Variants in CELSR2 observed in about 807,000 individuals in gnomAD.
The protein encoded by CELSR2 is cadherin EGF LAG seven-pass G-type receptor 2.
Under a neutral mutation model 251.6 loss-of-function variants are expected in CELSR2, and 81 were observed. The observed-to-expected ratio is 0.32, with a 90% CI of 0.27 to 0.39. CELSR2 has a LOEUF of 0.39. CELSR2 is among the 10% of genes least tolerant of loss of function. The pLI, the probability that CELSR2 is intolerant of heterozygous loss-of-function variation, is 1.00. For synonymous variants in CELSR2, 1,721 were observed against 1,670.5 expected (o/e 1.03, Z -0.74); for missense variants, 3,365 against 3,947.7 (o/e 0.85, Z 3.96).
intron 23 of CELSR2, 64 bp from the exon 24 acceptor site, chr1:109,270,362 C>T: frequency 6.4e-7 from 1 of 1,572,280 alleles, no homozygotes; most frequent in Non-Finnish European, 8.7e-7. Context: ...CATGCCTGAC[C>T]CGAAGCAGAG....
intron 25 of CELSR2, 69 bp downstream of exon 25, chr1:109,271,108 G>A (rs949214834): frequency 5.9e-5 from 89 of 1,504,418 alleles, no homozygotes; most frequent in Non-Finnish European, 6.8e-5. Flanking sequence ...TGCTGGGGCC[G>A]CGTGTCCTCA....
Position 109,250,912 on chromosome 1 carries a change from T to C in CELSR2, c.833T>C (p.Leu278Ser). 1 of 1,613,880 alleles carries C rather than the reference T, an allele frequency of 6.2e-7. No individual in the cohort carries two copies. ...RRSALATLTI[L>S]VTDTNDHDPV... ...AGTGCCCTGGCTACACTCACCATCTTGGTTACTGACACCAATGACCATGAC... is the reference window on the plus strand; with the variant it reads ...AGTGCCCTGGCTACACTCACCATCTCGGTTACTGACACCAATGACCATGAC... The change falls in exon 1 of 34, where the codon TTG (leucine) becomes TCG (serine). Residue 278 changes from leucine to serine, a missense_variant. Physicochemically the swap from Leu to Ser is moderately radical, Grantham distance 145 (BLOSUM62 -2). This residue lies in a region of CELSR2 where 704 missense variants were observed against 784.1 expected (regional missense o/e 0.90). Transcript: ENST00000271332. The surrounding 1 kb of genome is among the most constrained non-coding windows in gnomAD (Gnocchi z 4.4).
intron 1 of CELSR2, 146 bp downstream of exon 1, chr1:109,253,535 C>T (rs1215778453): frequency 1.2e-5 from 17 of 1,422,278 alleles, no homozygotes; most frequent in South Asian, 1.5e-5. Context: ...GGGCAAGAGC[C>T]AGCTTGGGAA....
rs774377008 is a variant in CELSR2, at chr1:109,264,421, C to T, written c.5290-33C>T. ...TCCCCCACCACCTGCAGCCCCGCTC[C>T]ACTGAGGGCAACACTGCTCCTGTCC... On this transcript the variant is annotated intron_variant, in intron 10 of 33. Coordinates refer to ENST00000271332, the MANE Select transcript of CELSR2 (RefSeq NM_001408.3). 11 of 1,600,236 alleles carry T rather than the reference C, an allele frequency of 6.9e-6. No individual in the cohort carries two copies. The Admixed American group carries it at 1.8e-4, about 27-fold the overall frequency.
rs1035960816 is a variant in CELSR2, at chr1:109,249,652, C to T, written c.-428C>T. On this transcript the variant is annotated 5_prime_UTR_variant, in exon 1 of 34. Coordinates refer to ENST00000271332, the MANE Select transcript of CELSR2 (RefSeq NM_001408.3). ...GGGGCGCGAGCGGGCGGCGCGGGAC[C>T]GTCGGGGGCCGCCGGGGCCGGGCCG... is the stretch of plus-strand genomic sequence containing the variant. Among the ~76,000 whole-genome samples the T allele has an allele frequency of 1.1e-4, 16 of 146,686 alleles. No individual in the cohort carries two copies. Among genetic ancestry groups the T allele is most frequent in the African/African-American group, 3.9e-4 (16 of 40,954 alleles).
chr1:109,274,153 G>C lies in CELSR2; in HGVS notation c.*104G>C, dbSNP rs1344374830. On this transcript the variant is annotated 3_prime_UTR_variant, in exon 34 of 34. Coordinates refer to ENST00000271332, the MANE Select transcript of CELSR2 (RefSeq NM_001408.3). The stretch of plus-strand genomic sequence containing the variant: ...TATCCTGCCCCGCTCCCCATCGCCT[G>C]CCCGCAGCAGCGACGAAACGTCCAT... The C allele has an allele frequency of 3.1e-6, 5 of 1,602,282 alleles. No homozygotes were observed. The African/African-American group carries it at 6.7e-5, about 21-fold the overall frequency.
At chr1:109,264,032 G>T in intron 9 of CELSR2, 46 bp from the exon 10 acceptor site, 1 of 1,536,638 alleles carries the variant, frequency 6.5e-7, no homozygotes. Flanking sequence ...GGAGAACAGT[G>T]ATTAAGGCCG....
intron 13 of CELSR2, 99 bp from the exon 14 acceptor site, chr1:109,265,636 G>C: frequency 7.0e-7 from 1 of 1,436,892 alleles, no homozygotes; most frequent in Non-Finnish European, 9.5e-7. Context: ...GGGGACCTGA[G>C]GTCGGGACCC....
intron 13 of CELSR2, among the ~76,000 whole-genome samples, 155 bp downstream of exon 13, chr1:109,265,466 G>C (rs750798136): frequency 2.0e-5 from 3 of 152,202 alleles, no homozygotes; most frequent in Non-Finnish European, 4.4e-5. Context: ...GCTTACCTTC[G>C]TGTGTCTGAG....
rs1656317963 is a variant in CELSR2 at position 109,269,840 on chromosome 1, C to T, written c.7107+20C>T. 6.2e-7 allele frequency: 1 copy of T among 1,612,714 alleles called. No individual in the cohort carries two copies. The highest frequency in any genetic ancestry group is 8.5e-7 in the Non-Finnish European group (1 of 1,179,826). ...CGGGAGGTCGGGCCCACAGGGGCAG[C>T]TGCAGAGCCGTGGGTGGGCACCCAG... On this transcript the variant is annotated intron_variant, in intron 22 of 33. Coordinates refer to ENST00000271332, the MANE Select transcript of CELSR2 (RefSeq NM_001408.3). This position sits in a 1 kb window ranked among gnomAD's most constrained non-coding sequence, Gnocchi z 6.4.
intron 2 of CELSR2, among the ~76,000 whole-genome samples, chr1:109,259,890 T>G (rs1288069318): frequency 6.6e-6 from 1 of 152,028 alleles, no homozygotes; most frequent in Admixed American, 6.5e-5. Flanking sequence ...TGCTCTATGC[T>G]CCTGACCCCT....
Position 109,261,905 on chromosome 1 carries a change from G to A in CELSR2, c.4386+9G>A. On this transcript the variant is annotated intron_variant, in intron 5 of 33. Coordinates refer to ENST00000271332, the MANE Select transcript of CELSR2 (RefSeq NM_001408.3). The surrounding 1 kb of genome is among the most constrained non-coding windows in gnomAD (Gnocchi z 4.8). ...TGAAATACTACAATAAGGTGGGTGT[G>A]GAGGGCACAGAGGGTTGGGGGTTCT... 1 of 1,567,414 alleles carries A rather than the reference G, an allele frequency of 6.4e-7. No individual in the cohort carries two copies. Among genetic ancestry groups the A allele is most frequent in the Non-Finnish European group, 8.7e-7 (1 of 1,154,684 alleles).
In CELSR2 at chr1:109,263,709, C is replaced by T. The variant is rs765104823; in HGVS notation, c.4933C>T (p.Arg1645Cys). The T allele has an allele frequency of 5.0e-6, 8 of 1,613,946 alleles. No individual in the cohort carries two copies. The highest frequency in any genetic ancestry group is 1.1e-5 in the South Asian group (1 of 91,086). Residue 1645 changes from arginine to cysteine, a missense_variant, in exon 9 of 34, where the codon CGC (arginine) becomes TGC (cysteine). Coordinates refer to ENST00000271332, the MANE Select transcript of CELSR2 (RefSeq NM_001408.3). ...ACCCTGGTACCTCAGCCTCATGTTC[C>T]GCACGCGCCAGGCCGACGGTGTCCT... ...SQPWYLSLMF[R>C]TRQADGVLLQ...
intron 1 of CELSR2, among the ~76,000 whole-genome samples, chr1:109,255,145 C>T (rs981111235): frequency 2.6e-5 from 4 of 152,248 alleles, no homozygotes; most frequent in African/African-American, 4.8e-5. Flanking sequence ...CGGCCCTGAC[C>T]CTTGGAGGCA....
chr1:109,260,925 TG>T, intron 2 of CELSR2, 116 bp from the exon 3 acceptor site: 1 of 710,234 alleles, frequency 1.4e-6, no homozygotes, highest in Non-Finnish European at 2.4e-6. Flanking sequence ...CTGGGAGGTT[TG>T]GGGAGTATTA....
rs79668084 is a variant in CELSR2, at chr1:109,270,614, TTCCCAGTCTTGGGG to T, written c.7483+20_7483+33del. On this transcript the variant is annotated intron_variant, in intron 24 of 33. Transcript: ENST00000271332. ...CCTTCATCACAGGTACTCCCACCCATTCCCAGTCTTGGGGTCCCACATCCCTGGGTCCACCTTTG... is the reference window on the plus strand; with the variant it reads ...CCTTCATCACAGGTACTCCCACCCATTCCCACATCCCTGGGTCCACCTTTG... 722,282 of 1,609,114 alleles carry T rather than the reference TTCCCAGTCTTGGGG, an allele frequency of 0.45. 165,650 individuals carry two copies. Among genetic ancestry groups the T allele is most frequent in the Middle Eastern group, 0.51 (3,081 of 6,052 alleles).
chr1:109,264,494 T>C lies in CELSR2; in HGVS notation c.5330T>C (p.Leu1777Pro). The C allele has an allele frequency of 3.1e-6, 5 of 1,613,640 alleles. No individual in the cohort carries two copies. The highest frequency in any genetic ancestry group is 3.4e-6 in the Non-Finnish European group (4 of 1,179,842). ...GATACGCCGGAGGGGGTTAACAGCC[T>C]GGATCCCAGCCATGGGGAGAGCATC... ...VSDTPEGVNS[L>P]DPSHGESINV... The change falls in exon 11 of 34, where the codon CTG (leucine) becomes CCG (proline). Residue 1777 changes from leucine to proline, a missense_variant. Leu to Pro is a moderately conservative substitution (Grantham distance 98). Coordinates refer to ENST00000271332, the MANE Select transcript of CELSR2 (RefSeq NM_001408.3).
intron 15 of CELSR2, among the ~76,000 whole-genome samples, chr1:109,267,310 A>G (rs1394013835): frequency 6.6e-6 from 1 of 152,126 alleles, no homozygotes; most frequent in Non-Finnish European, 1.5e-5. Flanking sequence ...GACAGGCAGG[A>G]TGGGGGCTCA....
At position 109,252,808 on chromosome 1, in the gene CELSR2, C is replaced by G. The variant is rs375909210; in HGVS notation, c.2729C>G (p.Thr910Ser). 1 of 1,613,898 alleles carries G rather than the reference C, an allele frequency of 6.2e-7. No individual in the cohort carries two copies. Among genetic ancestry groups the G allele is most frequent in the Non-Finnish European group, 8.5e-7 (1 of 1,180,046 alleles). ...CGCACACCTATGGAAGTGACAGTCA[C>G]TGTGTTGGATGTGAATGACAATCCC... ...PARTPMEVTVTVLDVNDNPPV... is the reference protein window; with the variant it reads ...PARTPMEVTVSVLDVNDNPPV... Residue 910 changes from threonine (T) to serine (S), a missense_variant, in exon 1 of 34, where the codon ACT becomes AGT. Physicochemically the swap from Thr to Ser is moderately conservative, Grantham distance 58. Transcript: ENST00000271332. The surrounding 1 kb of genome is among the most constrained non-coding windows in gnomAD (Gnocchi z 4.8).
Sources: allele counts gnomAD v4.1 joint callset (sites outside exome capture counted in the v4.1 genomes callset), GRCh38; gene constraint gnomAD v4.1.1; regional missense constraint gnomAD v4.1.1; non-coding constraint Gnocchi (gnomAD v3.1); transcripts MANE v1.5; gene names NCBI Gene and HGNC (gene_info 2026-07-23, HGNC 2026-07-21).